PLEKHA8: variants seen among roughly 807,000 people sequenced by gnomAD.
PLEKHA8 encodes pleckstrin homology domain containing A8.
A neutral mutation model predicts 68.2 loss-of-function variants in PLEKHA8; 36 were observed. The observed-to-expected ratio is 0.53, with a 90% CI of 0.40 to 0.70. The LOEUF is 0.70. PLEKHA8 is among the 30% of genes least tolerant of loss of function. PLEKHA8 has a pLI of 0.00. For synonymous variants in PLEKHA8, 211 were observed against 216.1 expected, an observed-to-expected ratio of 0.98 and a Z score of 0.20; for missense variants, 505 against 615.4, an observed-to-expected ratio of 0.82 and a Z score of 1.90.
chr7:30,032,385 T>G (rs1383628004), intron 1 of PLEKHA8, among the ~76,000 whole-genome samples: 1 of 152,224 alleles, frequency 6.6e-6, no homozygotes, highest in Non-Finnish European at 1.5e-5. Context: ...TAAGAACTGT[T>G]AAAAATTTAT....
rs748844690 is a variant in PLEKHA8, at chr7:30,078,666, A to C, written c.1439A>C (p.Glu480Ala). Residue 480 changes from glutamate to alanine, a missense_variant, in exon 14 of 14, where the codon GAA (glutamate) becomes GCA (alanine). Glu to Ala is a moderately radical substitution (Grantham distance 107). Transcript: ENST00000449726. The stretch of plus-strand genomic sequence containing the variant: ...GTAAAGGAAGGTGACCACCAGAAAG[A>C]AGCTTTCAGTATTGGGATGCAGAGG... Reference protein sequence around the residue: ...LTVKEGDHQKEAFSIGMQRDL... With the variant: ...LTVKEGDHQKAAFSIGMQRDL... The C allele has an allele frequency of 1.9e-6, 3 of 1,613,766 alleles. No individual in the cohort carries two copies. The highest frequency in any genetic ancestry group is 1.3e-5 in the African/African-American group (1 of 74,882).
In PLEKHA8 at chr7:30,115,884, ACATGCGTATACATGCATGTATACATG is replaced by A. The variant is rs1375644255; in HGVS notation, c.1363-13374_1363-13349del. On this transcript the variant is annotated intron_variant, in intron 13 of 13. Coordinates refer to the PLEKHA8 transcript ENST00000396257. Reference sequence around the variant, plus strand: ...CGTGCACATACATGTAGGCACGCATACATGCGTATACATGCATGTATACATGCATGCGTGCGTGTACATACATGTAT... The same window carrying A: ...CGTGCACATACATGTAGGCACGCATACATGCGTGCGTGTACATACATGTAT... 8.3e-5 allele frequency: 12 copies of A among 145,138 alleles called. No homozygotes were observed. The South Asian group carries it at 1.7e-3, about 21-fold the overall frequency. 9.0% of individuals were successfully genotyped at this position (145,138 alleles called of 1,614,324 possible).
At chr7:30,089,416 C>G (rs1795318152), downstream of PLEKHA8, among the ~76,000 whole-genome samples, 2 of 151,216 alleles carry the variant, frequency 1.3e-5, no homozygotes, top group Non-Finnish European at 2.9e-5. Context: ...AACCTCTGTT[C>G]TGTCTGCTCA....
At position 30,079,797 on chromosome 7, in the gene PLEKHA8, A is replaced by C. The variant is rs1794831896; in HGVS notation, c.*1010A>C. ...GGACATAGGAATCTGCATTTCAGTA[A>C]ACTTTACACGTGATTCTTCTGCACA... On this transcript the variant is annotated 3_prime_UTR_variant, in exon 14 of 14. Transcript: ENST00000449726. 1 of 870,968 alleles carries C rather than the reference A, an allele frequency of 1.1e-6. No individual in the cohort carries two copies. The highest frequency in any genetic ancestry group is 5.3e-5 in the South Asian group (1 of 19,028). 54.0% of individuals were successfully genotyped at this position (870,968 alleles called of 1,614,324 possible).
chr7:30,116,996 C>T (rs1170778590), intron 13 of PLEKHA8, among the ~76,000 whole-genome samples: 1 of 152,218 alleles, frequency 6.6e-6, no homozygotes, highest in Non-Finnish European at 1.5e-5. Context: ...GTGTGTTTCA[C>T]TTGGTCTTGC....
chr7:30,117,521 A>G (rs546854522), intron 13 of PLEKHA8, among the ~76,000 whole-genome samples: 1 of 152,220 alleles, frequency 6.6e-6, no homozygotes, highest in South Asian at 2.1e-4. Flanking sequence ...CCTGGGCAAC[A>G]TAGTGAGACC....
chr7:30,037,862 A>G (rs1212617196), intron 1 of PLEKHA8, among the ~76,000 whole-genome samples: 1 of 151,990 alleles, frequency 6.6e-6, no homozygotes, highest in Non-Finnish European at 1.5e-5. Flanking sequence ...AATGTGTGCC[A>G]TGGTCATTTG....
Position 30,028,816 on chromosome 7 carries a change from C to T in PLEKHA8, c.40+14C>T, listed in dbSNP as rs1790412333. 1 of 1,263,720 alleles carries T rather than the reference C, an allele frequency of 7.9e-7. No homozygotes were observed. The highest frequency in any genetic ancestry group is 1.0e-6 in the Non-Finnish European group (1 of 999,038). The allele number at this position is 1,263,720 out of a possible 1,614,324, so 78.3% of individuals were successfully genotyped here. The stretch of plus-strand genomic sequence containing the variant: ...ACTATCTGAGCGGTGAGTGGCCGTG[C>T]CGGGCCGGGGGCGCGCCGGGGGCCG... On this transcript the variant is annotated intron_variant, in intron 1 of 13. Coordinates refer to ENST00000449726, the MANE Select transcript of PLEKHA8 (RefSeq NM_001197026.2).
chr7:30,045,434 C>T (rs772494817), intron 2 of PLEKHA8, among the ~76,000 whole-genome samples: 4 of 152,194 alleles, frequency 2.6e-5, no homozygotes, highest in Non-Finnish European at 5.9e-5. Flanking sequence ...TGTTTCACTA[C>T]TCAACTAGCA....
intron 13 of PLEKHA8, among the ~76,000 whole-genome samples, chr7:30,108,067 C>CAAAAAA (rs796801365): frequency 1.1e-4 from 6 of 52,750 alleles, no homozygotes; most frequent in Admixed American, 2.1e-4. Flanking sequence ...AACTCCATCT[C>CAAAAAA]AAAAAAAAAA....
intron 10 of PLEKHA8, 21 bp from the exon 11 acceptor site, chr7:30,061,876 G>A: frequency 4.3e-6 from 7 of 1,612,952 alleles, no homozygotes; most frequent in Non-Finnish European, 5.9e-6. Flanking sequence ...AACTTAGGTT[G>A]TTTCCCTGCT....
In PLEKHA8 at chr7:30,084,330, T is replaced by TA. The variant is rs1795088489; in HGVS notation, c.*5544dup. 2.0e-6 allele frequency: 2 copies of TA among 985,270 alleles called. No individual in the cohort carries two copies. Among genetic ancestry groups the TA allele is most frequent in the Non-Finnish European group, 2.4e-6 (2 of 829,870 alleles). 61.0% of individuals were successfully genotyped at this position (985,270 alleles called of 1,614,324 possible). A position where few individuals can be genotyped will look rare whatever the true frequency, so the allele number is the denominator to read the frequency against. On this transcript the variant is annotated 3_prime_UTR_variant, in exon 14 of 14. Transcript: ENST00000449726. ...TATCTGTCACGTGCAGTGTTAATGT[T>TA]ACCTGTTCTTGTCTCTCAGCATTTT...
At position 30,056,599 on chromosome 7, in the gene PLEKHA8, C is replaced by T. The variant is rs1205346310; in HGVS notation, c.1039+1257C>T. Among the ~76,000 whole-genome samples, 19 of 146,572 alleles carry T rather than the reference C, an allele frequency of 1.3e-4. No individual in the cohort carries two copies. The East Asian group carries it at 2.2e-3, about 17-fold the overall frequency. ...CAAAAATTAGCTGAGTGTGGTGGCGCGCACCTGTAATCCCAGTTACTCAGG... is the reference window on the plus strand; with the variant it reads ...CAAAAATTAGCTGAGTGTGGTGGCGTGCACCTGTAATCCCAGTTACTCAGG... On this transcript the variant is annotated intron_variant, in intron 9 of 13. Transcript: ENST00000449726.
chr7:30,054,788 C>T lies in PLEKHA8; in HGVS notation c.876C>T (p.Asp292=). The T allele has an allele frequency of 6.2e-7, 1 of 1,610,866 alleles. No homozygotes were observed. The highest frequency in any genetic ancestry group is 8.5e-7 in the Non-Finnish European group (1 of 1,177,654). The stretch of plus-strand genomic sequence containing the variant: ...ATAACTTGACTCAGTCTGGATCAGA[C>T]TCAAGTTGCTCTCCGGAATGCCTCT... ...HDNNLTQSGS[D]SSCSPECLWE... The change falls in exon 8 of 14, where the codon GAC becomes GAT. Residue 292 remains aspartate, a synonymous_variant. Transcript: ENST00000449726.
At chr7:30,060,747 G>T in intron 9 of PLEKHA8, 137 bp from the exon 10 acceptor site, 1 of 682,022 alleles carries the variant, frequency 1.5e-6, no homozygotes. Context: ...AGCTTTTGAA[G>T]ATTATGTTTA....
intron 7 of PLEKHA8, among the ~76,000 whole-genome samples, chr7:30,054,135 T>A (rs933144509): frequency 6.6e-6 from 1 of 152,164 alleles, no homozygotes; most frequent in African/African-American, 2.4e-5. Flanking sequence ...ATGCATAAAA[T>A]GTGGCACTAA....
chr7:30,052,657 A>G, intron 6 of PLEKHA8, 52 bp from the exon 7 acceptor site: 2 of 1,434,226 alleles, frequency 1.4e-6, no homozygotes, highest in South Asian at 1.5e-5. Flanking sequence ...AAAAAAAAAA[A>G]AAAGACCAAA....
At chr7:30,106,362 C>T (rs2128014533) in intron 13 of PLEKHA8, among the ~76,000 whole-genome samples, 1 of 152,214 alleles carries the variant, frequency 6.6e-6, no homozygotes, top group East Asian at 1.9e-4. Flanking sequence ...CCATGCCTGG[C>T]CATCTTTAAG....
chr7:30,053,816 A>G (rs1792609002), intron 7 of PLEKHA8, among the ~76,000 whole-genome samples: 1 of 152,188 alleles, frequency 6.6e-6, no homozygotes, highest in Non-Finnish European at 1.5e-5. Context: ...AGCAAATACT[A>G]AACTCTTGCT....
Sources: allele counts gnomAD v4.1 joint callset (sites outside exome capture counted in the v4.1 genomes callset), GRCh38; gene constraint gnomAD v4.1.1; transcripts MANE v1.5; gene names NCBI Gene and HGNC (gene_info 2026-07-23, HGNC 2026-07-21).